The following PKHD1L1 variants were observed in gnomAD, a reference collection of about 807,000 sequenced individuals.
PKHD1L1 encodes PKHD1 like 1.
A neutral mutation model predicts 462.9 loss-of-function variants in PKHD1L1; 434 were observed. That is an observed-to-expected ratio of 0.94 (90% CI 0.87 to 1.02). The LOEUF (loss-of-function observed/expected upper bound fraction) is 1.02. PKHD1L1 is among the 50% of genes least tolerant of loss of function. The pLI is 0.00. For missense variants in PKHD1L1, 5,202 were observed against 5,096.1 expected, an observed-to-expected ratio of 1.02 and a Z score of -0.63; for synonymous variants, 1,781 against 1,750.0, an observed-to-expected ratio of 1.02 and a Z score of -0.44.
chr8:109,466,285 C>T (rs958937164), intron 49 of PKHD1L1, among the ~76,000 whole-genome samples: 2 of 152,038 alleles, frequency 1.3e-5, no homozygotes, highest in Non-Finnish European at 2.9e-5. Context: ...GATTTAAATC[C>T]TCTGTGTCCT....
chr8:109,457,405 A>G (rs1816884671), intron 46 of PKHD1L1, among the ~76,000 whole-genome samples: 1 of 152,200 alleles, frequency 6.6e-6, no homozygotes, highest in Non-Finnish European at 1.5e-5. Context: ...ATCTTCATTT[A>G]TGGCTTTTTG....
chr8:109,496,259 TA>T (rs1293969631), intron 63 of PKHD1L1, among the ~76,000 whole-genome samples: 1 of 152,190 alleles, frequency 6.6e-6, no homozygotes, highest in Non-Finnish European at 1.5e-5. Context: ...TAATTAATAA[TA>T]AAAATATCAA....
intron 76 of PKHD1L1, among the ~76,000 whole-genome samples, chr8:109,526,389 A>G (rs780063655): frequency 1.6e-4 from 24 of 152,160 alleles, no homozygotes; most frequent in South Asian, 2.1e-4. Flanking sequence ...ACCTCCCCCA[A>G]CTGAGACTGA....
At chr8:109,476,811 A>C in intron 52 of PKHD1L1, 144 bp downstream of exon 52, 1 of 724,538 alleles carries the variant, frequency 1.4e-6, no homozygotes, top group Non-Finnish European at 2.1e-6. Context: ...AACTGGAGAC[A>C]AAATTTATTC....
intron 25 of PKHD1L1, among the ~76,000 whole-genome samples, 175 bp downstream of exon 25, chr8:109,427,331 A>G (rs1306934440): frequency 6.6e-6 from 1 of 152,216 alleles, no homozygotes; most frequent in Non-Finnish European, 1.5e-5. Flanking sequence ...AAGCTGATCC[A>G]GTGTTCTCTT....
At chr8:109,515,949 G>A (rs1390627821) in intron 72 of PKHD1L1, among the ~76,000 whole-genome samples, 4 of 151,968 alleles carry the variant, frequency 2.6e-5, no homozygotes, top group African/African-American at 9.7e-5. Flanking sequence ...CATATTCTTG[G>A]CTAACCATTA....
In PKHD1L1 at chr8:109,479,627, A is replaced by G; in HGVS notation, c.9166A>G (p.Ile3056Val). Residue 3056 changes from isoleucine (I) to valine (V), a missense_variant, in exon 54 of 78, where the codon ATT (isoleucine) becomes GTT (valine). Ile to Val is a conservative substitution (Grantham distance 29). Coordinates refer to ENST00000378402, the MANE Select transcript of PKHD1L1 (RefSeq NM_177531.6). The stretch of plus-strand genomic sequence containing the variant: ...TGTACCTCACCCAGGGGCAAATGTG[A>G]TTATACCTGAAGGTAAATGCGTAAA... ...YTVPHPGANV[I>V]IPEGTWIVAD... 1 of 1,502,718 alleles carries G rather than the reference A, an allele frequency of 6.7e-7. No individual in the cohort carries two copies. The highest frequency in any genetic ancestry group is 9.2e-7 in the Non-Finnish European group (1 of 1,090,880). The allele number at this position is 1,502,718 out of a possible 1,614,324, so 93.1% of individuals were successfully genotyped here. A position where few individuals can be genotyped will look rare whatever the true frequency, so the allele number is the denominator to read the frequency against.
chr8:109,476,729 T>C (rs1432581141), intron 52 of PKHD1L1, 62 bp downstream of exon 52: 8 of 1,450,916 alleles, frequency 5.5e-6, no homozygotes, highest in South Asian at 1.3e-5. Flanking sequence ...ATGAGAAAAA[T>C]TGCTTAATAA....
chr8:109,420,759 A>T, intron 23 of PKHD1L1, 69 bp downstream of exon 23: 1 of 1,160,238 alleles, frequency 8.6e-7, no homozygotes, highest in Non-Finnish European at 1.2e-6. Context: ...AATAACCAAC[A>T]TACAGATGGA....
intron 26 of PKHD1L1, 123 bp downstream of exon 26, chr8:109,429,585 T>A: frequency 1.1e-6 from 1 of 932,578 alleles, no homozygotes; most frequent in South Asian, 1.6e-5. Context: ...ACATTTGTCT[T>A]AATATTGATC....
At chr8:109,491,813 C>T (rs1295488084) in intron 61 of PKHD1L1, 60 bp from the exon 62 acceptor site, 3 of 1,424,630 alleles carry the variant, frequency 2.1e-6, no homozygotes, top group East Asian at 2.3e-5. Flanking sequence ...TCCTAATAGT[C>T]GTTGCAAATT....
At chr8:109,445,697 A>G in intron 38 of PKHD1L1, 52 bp downstream of exon 38, 1 of 1,445,134 alleles carries the variant, frequency 6.9e-7, no homozygotes, top group Non-Finnish European at 9.4e-7. Flanking sequence ...GATAATATTT[A>G]TTAGTATGGA....
chr8:109,518,045 T>A, intron 72 of PKHD1L1, 122 bp from the exon 73 acceptor site: 1 of 692,368 alleles, frequency 1.4e-6, no homozygotes, highest in Non-Finnish European at 2.3e-6. Flanking sequence ...TGCTTTCTTA[T>A]GAAAGAATGA....
At chr8:109,402,781 G>T (rs1813338478) in intron 14 of PKHD1L1, among the ~76,000 whole-genome samples, 3 of 152,194 alleles carry the variant, frequency 2.0e-5, no homozygotes, top group Admixed American at 6.5e-5. Flanking sequence ...GCATCATGAG[G>T]ATCTTTTGGA....
rs1563565119 is a variant in PKHD1L1 at position 109,456,281 on chromosome 8, C to T, written c.6894C>T (p.Thr2298=). 6.2e-7 allele frequency: 1 copy of T among 1,612,662 alleles called. No individual in the cohort carries two copies. Among genetic ancestry groups the T allele is most frequent in the Non-Finnish European group, 8.5e-7 (1 of 1,179,266 alleles). The change falls in exon 46 of 78, where the codon ACC becomes ACT. Residue 2298 remains threonine (T), a synonymous_variant. Coordinates refer to ENST00000378402, the MANE Select transcript of PKHD1L1 (RefSeq NM_177531.6). ...LDLHGVPVPV[T]WTRLAHTAKA... Reference sequence around the variant, plus strand: ...TTCTAGGTGTGCCTGTTCCTGTGACCTGGACTCGCTTGGCTCATACTGCAA... The same window carrying T: ...TTCTAGGTGTGCCTGTTCCTGTGACTTGGACTCGCTTGGCTCATACTGCAA...
chr8:109,426,956 T>G, intron 24 of PKHD1L1, 46 bp from the exon 25 acceptor site: 1 of 1,079,188 alleles, frequency 9.3e-7, no homozygotes, highest in Non-Finnish European at 1.4e-6. Context: ...TCCGGCCCGT[T>G]TGTGAATTGT....
intron 57 of PKHD1L1, 45 bp from the exon 58 acceptor site, chr8:109,484,999 T>C: frequency 6.9e-7 from 1 of 1,458,286 alleles, no homozygotes; most frequent in East Asian, 2.4e-5. Flanking sequence ...AATATAAATC[T>C]ATTTTTAAAA....
In PKHD1L1 at chr8:109,536,710, C is replaced by T. The variant is rs1821152011; in HGVS notation, c.*6620C>T. 6.6e-6 allele frequency among the ~76,000 whole-genome samples: 1 copy of T among 152,104 alleles called. No individual in the cohort carries two copies. The highest frequency in any genetic ancestry group is 2.1e-4 in the South Asian group (1 of 4,830). On this transcript the variant is annotated 3_prime_UTR_variant, in exon 78 of 78. Transcript: ENST00000378402. ...ATGTATTATTTTTCTTGATTTCTAA[C>T]CAGGCCCCTTCTGAAGAAAACTGGT...
In PKHD1L1 at chr8:109,475,268, A is replaced by G. The variant is rs775568354; in HGVS notation, c.8756A>G (p.Lys2919Arg). 1.3e-6 allele frequency: 2 copies of G among 1,597,252 alleles called. No individual in the cohort carries two copies. The highest frequency in any genetic ancestry group is 1.7e-6 in the Non-Finnish European group (2 of 1,169,280). The change falls in exon 51 of 78, where the codon AAG becomes AGG. Residue 2919 changes from lysine (K) to arginine (R), a missense_variant and splice_region_variant. Around this residue, in one of 3 missense-constraint regions of PKHD1L1, gnomAD observed 4,497 missense variants for 4,336.8 expected, o/e 1.04. Transcript: ENST00000378402. ...TATACATCGACATTCTATGGATTCA[A>G]GGTAAAAATATTTATCTTCTAATGA... is the stretch of plus-strand genomic sequence containing the variant. The part of the protein sequence containing the change: ...ISYTSTFYGF[K>R]EEDYVIISHN...
Sources: gnomAD v4.1 joint callset for allele counts (sites outside exome capture counted in the v4.1 genomes callset) on GRCh38, gnomAD v4.1.1 for gene constraint, gnomAD v4.1.1 regional missense constraint, MANE v1.5 for transcripts, NCBI Gene and HGNC (gene_info 2026-07-23, HGNC 2026-07-21) for gene names.